KCNK5: variants seen among roughly 807,000 people sequenced by gnomAD.
KCNK5 encodes the protein potassium channel subfamily K member 5.
A neutral mutation model predicts 32.9 loss-of-function variants in KCNK5; 18 were observed. That is an observed-to-expected ratio of 0.55 (90% CI 0.38 to 0.81). The LOEUF (loss-of-function observed/expected upper bound fraction) is 0.81, where lower values mean the gene tolerates loss of function less well. KCNK5 is among the 30% of genes least tolerant of loss of function. The probability of loss-of-function intolerance (pLI) is 0.00; values close to 1 mark genes in which losing one functional copy is unlikely to be tolerated. For missense variants in KCNK5, 507 were observed against 651.0 expected, an observed-to-expected ratio of 0.78 and a Z score of 2.41; for synonymous variants, 276 against 275.3, an observed-to-expected ratio of 1.00 and a Z score of -0.03.
In KCNK5 at chr6:39,191,115, C is replaced by T. The variant is rs149052692; in HGVS notation, c.1275G>A (p.Thr425=). ...FQDASITFVN[T]EAGLSDEETS... ...TCTCCTCGTCTGAGAGGCCAGCCTC[C>T]GTGTTCACGAAGGTGATGCTGGCGT... The change falls in exon 5 of 5, where the codon ACG becomes ACA. Residue 425 remains threonine, a synonymous_variant. Transcript: ENST00000359534. This position sits in a 1 kb window ranked among gnomAD's most constrained non-coding sequence, Gnocchi z 5.8. 35 of 1,614,062 alleles carry T rather than the reference C, an allele frequency of 2.2e-5. No homozygotes were observed. The highest frequency in any genetic ancestry group is 1.5e-4 in the South Asian group (14 of 91,090).
intron 1 of KCNK5, 117 bp downstream of exon 1, chr6:39,228,809 C>T: frequency 1.0e-6 from 1 of 1,003,992 alleles, no homozygotes. Context: ...CTCATCACCC[C>T]CTGGACCTTC....
chr6:39,224,524 C>T (rs567047321), intron 1 of KCNK5, among the ~76,000 whole-genome samples: 2 of 152,280 alleles, frequency 1.3e-5, no homozygotes, highest in South Asian at 2.1e-4. Flanking sequence ...TGGAACTAGC[C>T]TTACTACTTT....
chr6:39,212,449 C>T (rs961836777), intron 1 of KCNK5, among the ~76,000 whole-genome samples: 1 of 152,240 alleles, frequency 6.6e-6, no homozygotes, highest in Non-Finnish European at 1.5e-5. Context: ...CTCCCCTGGA[C>T]CCTCAGGATG....
chr6:39,209,934 C>T (rs554324493), intron 1 of KCNK5, among the ~76,000 whole-genome samples: 10 of 152,232 alleles, frequency 6.6e-5, no homozygotes, highest in East Asian at 1.9e-4. Flanking sequence ...TCAAAAGGCT[C>T]GATAGAGAGC....
At chr6:39,210,102 G>A (rs1771305531) in intron 1 of KCNK5, among the ~76,000 whole-genome samples, 1 of 152,184 alleles carries the variant, frequency 6.6e-6, no homozygotes, top group Non-Finnish European at 1.5e-5. Flanking sequence ...AGGCAGGGGA[G>A]CAGGCCCTAT....
At chr6:39,219,619 T>C (rs1771505109) in intron 1 of KCNK5, among the ~76,000 whole-genome samples, 1 of 152,008 alleles carries the variant, frequency 6.6e-6, no homozygotes, top group Non-Finnish European at 1.5e-5. Context: ...AGGACCAGAG[T>C]CTGGGCCTGG....
chr6:39,200,500 G>A (rs1771118205), intron 1 of KCNK5, among the ~76,000 whole-genome samples: 1 of 152,244 alleles, frequency 6.6e-6, no homozygotes, highest in East Asian at 1.9e-4. Context: ...GAGGCTTACA[G>A]AGGTTAAGAA....
intron 1 of KCNK5, among the ~76,000 whole-genome samples, chr6:39,213,142 G>A (rs1421087346): frequency 1.3e-5 from 2 of 152,152 alleles, no homozygotes; most frequent in Non-Finnish European, 1.5e-5. Flanking sequence ...AGTGATACTG[G>A]TTTTCAGAGT....
At chr6:39,228,825 G>A (rs750579789) in intron 1 of KCNK5, 101 bp downstream of exon 1, 4 of 1,172,776 alleles carry the variant, frequency 3.4e-6, no homozygotes, top group Non-Finnish European at 4.9e-6. Context: ...CCTTCCACAG[G>A]GACTGAGGGT....
chr6:39,215,968 T>C (rs1445508934), intron 1 of KCNK5, among the ~76,000 whole-genome samples: 3 of 152,188 alleles, frequency 2.0e-5, no homozygotes, highest in Non-Finnish European at 2.9e-5. Context: ...CAGCCACTTA[T>C]ATAGCCAAAA....
Position 39,191,349 on chromosome 6 carries a change from G to A in KCNK5, c.1041C>T (p.Tyr347=). ...LPPSLVPLVV[Y]SKNRVPTLEE... is the part of the protein sequence containing the mutation. ...CCAAGGTGGGCACCCGGTTCTTGGAGTAGACTACCAGGGGCACCAGGGAAG... is the reference window on the plus strand; with the variant it reads ...CCAAGGTGGGCACCCGGTTCTTGGAATAGACTACCAGGGGCACCAGGGAAG... The change falls in exon 5 of 5, where the codon TAC becomes TAT. Residue 347 remains tyrosine (Y), a synonymous_variant. Coordinates refer to ENST00000359534, the MANE Select transcript of KCNK5 (RefSeq NM_003740.4). This position sits in a 1 kb window ranked among gnomAD's most constrained non-coding sequence, Gnocchi z 5.8. 6.2e-7 allele frequency: 1 copy of A among 1,613,874 alleles called. No homozygotes were observed. The highest frequency in any genetic ancestry group is 1.1e-5 in the South Asian group (1 of 91,080).
At chr6:39,224,824 T>G (rs1771622368) in intron 1 of KCNK5, among the ~76,000 whole-genome samples, 1 of 151,646 alleles carries the variant, frequency 6.6e-6, no homozygotes, top group Non-Finnish European at 1.5e-5. Context: ...TTCCCCAGGC[T>G]AGGAGAAAGG....
chr6:39,198,194 A>G (rs1192650668), intron 1 of KCNK5, among the ~76,000 whole-genome samples: 1 of 152,242 alleles, frequency 6.6e-6, no homozygotes, highest in Non-Finnish European at 1.5e-5. Context: ...ATGGGATTAA[A>G]GAAATTCATG....
intron 1 of KCNK5, among the ~76,000 whole-genome samples, chr6:39,211,623 C>T (rs776461713): frequency 3.3e-5 from 5 of 152,186 alleles, no homozygotes; most frequent in Admixed American, 6.5e-5. Flanking sequence ...AGAAATGTAG[C>T]CAGTGACTGG....
chr6:39,203,514 C>T (rs1771167026), intron 1 of KCNK5, among the ~76,000 whole-genome samples: 1 of 152,234 alleles, frequency 6.6e-6, no homozygotes, highest in African/African-American at 2.4e-5. Context: ...ACCACTGGTC[C>T]CATCCTGTCT....
intron 1 of KCNK5, among the ~76,000 whole-genome samples, chr6:39,227,334 G>A (rs1771691865): frequency 6.6e-6 from 1 of 152,038 alleles, no homozygotes; most frequent in African/African-American, 2.4e-5. Flanking sequence ...TTGTTCTCTA[G>A]AGGAATTGTT....
chr6:39,195,472 A>AGCTGC (rs942726101), intron 2 of KCNK5, among the ~76,000 whole-genome samples: 22 of 152,232 alleles, frequency 1.4e-4, no homozygotes, highest in African/African-American at 5.1e-4. Context: ...AGCTGAGCCC[A>AGCTGC]GTCAAGCTGA....
chr6:39,190,760 G>A lies in KCNK5; in HGVS notation c.*130C>T. On this transcript the variant is annotated 3_prime_UTR_variant, in exon 5 of 5. Transcript: ENST00000359534. ...CTGAGGATGATGGAAGGTTAGGAAGGCCCCTGGCCCCCCACTCCCAGTTCC... is the reference window on the plus strand; with the variant it reads ...CTGAGGATGATGGAAGGTTAGGAAGACCCCTGGCCCCCCACTCCCAGTTCC... 1.1e-6 allele frequency: 1 copy of A among 872,326 alleles called. No homozygotes were observed. The highest frequency in any genetic ancestry group is 1.6e-6 in the Non-Finnish European group (1 of 608,762). 54.0% of individuals were successfully genotyped at this position (872,326 alleles called of 1,614,324 possible).
At chr6:39,198,541 T>C (rs962183571) in intron 1 of KCNK5, among the ~76,000 whole-genome samples, 3 of 152,254 alleles carry the variant, frequency 2.0e-5, no homozygotes, top group African/African-American at 7.2e-5. Context: ...TTAAGTCTTA[T>C]ACTTTGGATT....
Sources: gnomAD v4.1 joint callset for allele counts (sites outside exome capture counted in the v4.1 genomes callset) on GRCh38, gnomAD v4.1.1 for gene constraint, Gnocchi (gnomAD v3.1) non-coding constraint, MANE v1.5 for transcripts, NCBI Gene and HGNC (gene_info 2026-07-23, HGNC 2026-07-21) for gene names.